COL9A1: variants seen among roughly 807,000 people sequenced by gnomAD.
COL9A1 encodes collagen alpha-1(IX) chain.
In COL9A1, 104 loss-of-function variants were observed where a neutral mutation model predicts 142.6. The observed-to-expected ratio is 0.73, with a 90% CI of 0.62 to 0.86. The LOEUF is 0.86. Among genes scored for constraint, COL9A1 ranks in the 40% least tolerant of loss-of-function variants. The pLI, the probability that COL9A1 is intolerant of heterozygous loss-of-function variation, is 0.00. For missense variants in COL9A1, 1,210 were observed against 1,176.6 expected (o/e 1.03, Z -0.42); for synonymous variants, 466 against 396.0 (o/e 1.18, Z -2.10).
At chr6:70,255,228 G>C in intron 22 of COL9A1, 25 bp from the exon 23 acceptor site, 4 of 1,613,826 alleles carry the variant, frequency 2.5e-6, no homozygotes, top group Non-Finnish European at 3.4e-6. Context: ...AGAAAGAATA[G>C]ACAAGACATG....
At chr6:70,223,103 G>T (rs1490543162) in intron 37 of COL9A1, among the ~76,000 whole-genome samples, 1 of 152,134 alleles carries the variant, frequency 6.6e-6, no homozygotes, top group African/African-American at 2.4e-5. Flanking sequence ...GGGAAGGTCT[G>T]GGCATCAGGG....
intron 5 of COL9A1, among the ~76,000 whole-genome samples, chr6:70,284,825 C>T (rs1773384383): frequency 6.6e-6 from 1 of 152,206 alleles, no homozygotes; most frequent in Non-Finnish European, 1.5e-5. Flanking sequence ...AGCATTACTT[C>T]TTTTCTTTCA....
Position 70,234,834 on chromosome 6 carries a change from T to C in COL9A1, c.2219A>G (p.Glu740Gly). 2 of 1,613,872 alleles carry C rather than the reference T, an allele frequency of 1.2e-6. No homozygotes were observed. Among genetic ancestry groups the C allele is most frequent in the Non-Finnish European group, 1.7e-6 (2 of 1,179,946 alleles). ...ACCAGGCAGGCCGGTGGCACCCTGT[T>C]CTCCCTGCACACCCCGGGGTCCAGG... Reference protein sequence around the residue: ...GPPGPRGVQGEQGATGLPGVQ... With the variant: ...GPPGPRGVQGGQGATGLPGVQ... The change falls in exon 34 of 38, where the codon GAA (glutamate) becomes GGA (glycine). Residue 740 changes from glutamate to glycine, a missense_variant. Physicochemically the swap from Glu to Gly is moderately conservative, Grantham distance 98 (BLOSUM62 -2). Coordinates refer to ENST00000357250, the MANE Select transcript of COL9A1 (RefSeq NM_001851.6).
Position 70,295,281 on chromosome 6 carries a change from C to CTTTTTTTTTTTTT in COL9A1, c.300-731_300-719dup, listed in dbSNP as rs1171549562. On this transcript the variant is annotated intron_variant, in intron 4 of 37. Transcript: ENST00000357250. Reference sequence around the variant, plus strand: ...CTCTACTGCAACTCTGTTGTTGCTTCTTTTTTTTTTTTTTTTTTTTTTTTT... The same window carrying CTTTTTTTTTTTTT: ...CTCTACTGCAACTCTGTTGTTGCTTCTTTTTTTTTTTTTTTTTTTTTTTTTTTTTTTTTTTTTT... Among the ~76,000 whole-genome samples, 27 of 63,168 alleles carry CTTTTTTTTTTTTT rather than the reference C, an allele frequency of 4.3e-4. 4 individuals carry two copies. Among genetic ancestry groups the CTTTTTTTTTTTTT allele is most frequent in the African/African-American group, 1.6e-3 (25 of 15,658 alleles). 41.4% of individuals were successfully genotyped at this position (63,168 alleles called of 152,430 possible). A position where few individuals can be genotyped will look rare whatever the true frequency, so the allele number is the denominator to read the frequency against.
chr6:70,235,057 G>T (rs77714085), intron 33 of COL9A1, 117 bp from the exon 34 acceptor site: 8 of 1,289,694 alleles, frequency 6.2e-6, no homozygotes, highest in Non-Finnish European at 7.7e-6. Flanking sequence ...ATCCTAACAG[G>T]TGTTCTTTCA....
intron 19 of COL9A1, 21 bp from the exon 20 acceptor site, chr6:70,260,731 A>C (rs375252017): frequency 6.2e-7 from 1 of 1,612,940 alleles, no homozygotes. Flanking sequence ...GAAAAAGAGA[A>C]GTGAATTATT....
chr6:70,250,070 G>T (rs1387082435), intron 28 of COL9A1, among the ~76,000 whole-genome samples: 1 of 152,138 alleles, frequency 6.6e-6, no homozygotes, highest in South Asian at 2.1e-4. Flanking sequence ...AAACCAGCCT[G>T]GGCAACATGG....
intron 37 of COL9A1, among the ~76,000 whole-genome samples, chr6:70,218,901 A>G (rs892029873): frequency 6.6e-6 from 1 of 152,238 alleles, no homozygotes; most frequent in African/African-American, 2.4e-5. Flanking sequence ...GAATTTATCC[A>G]TCTCAAAGCT....
At chr6:70,241,597 A>C in intron 30 of COL9A1, 143 bp from the exon 31 acceptor site, 9 of 733,388 alleles carry the variant, frequency 1.2e-5, no homozygotes, top group South Asian at 1.0e-4. Flanking sequence ...ACCCAACAAG[A>C]ATCAGGACCA....
At chr6:70,280,058 G>A (rs1322636073) in intron 10 of COL9A1, 1 of 688,376 alleles carries the variant, frequency 1.5e-6, no homozygotes, top group Admixed American at 2.1e-5. Flanking sequence ...ATGGAAAGAG[G>A]AGAAGCTGAG....
At chr6:70,234,714 A>G (rs1769786533) in intron 34 of COL9A1, 80 bp downstream of exon 34, 2 of 1,607,266 alleles carry the variant, frequency 1.2e-6, no homozygotes, top group Non-Finnish European at 1.7e-6. Context: ...GAACTTGTTG[A>G]GAAGCTGATG....
At position 70,255,158 on chromosome 6, in the gene COL9A1, C is replaced by T. The variant is rs544959952; in HGVS notation, c.1603G>A (p.Gly535Arg). 1.9e-6 allele frequency: 3 copies of T among 1,614,200 alleles called. No homozygotes were observed. In the South Asian group the frequency reaches 3.3e-5, roughly 18 times the overall value. Residue 535 changes from glycine (G) to arginine (R), a missense_variant, in exon 23 of 38, where the codon GGA becomes AGA. Gly to Arg is a moderately radical substitution (Grantham distance 125). Transcript: ENST00000357250. ...TACAGCTCAGGACATACCGTGTCTC[C>T]TTTGGGCCCAGGGAGACCAGGAATT... is the stretch of plus-strand genomic sequence containing the variant. ...RGIPGLPGPK[G>R]DTGLPGVDGR...
chr6:70,302,204 CTTTTTT>C (rs202054376), intron 1 of COL9A1, 130 bp from the exon 2 acceptor site: 115 of 359,626 alleles, frequency 3.2e-4, no homozygotes, highest in East Asian at 7.4e-4. Context: ...TTTTTCATTT[CTTTTTT>C]TTTTTTTTTT....
intron 28 of COL9A1, among the ~76,000 whole-genome samples, chr6:70,243,755 T>C (rs1249396040): frequency 1.3e-5 from 2 of 152,224 alleles, no homozygotes; most frequent in Non-Finnish European, 2.9e-5. Flanking sequence ...CTTGAATTCC[T>C]GACCTCAGGT....
chr6:70,240,854 C>CA lies in COL9A1; in HGVS notation c.2035-122dup. On this transcript the variant is annotated intron_variant, in intron 31 of 37. Coordinates refer to ENST00000357250, the MANE Select transcript of COL9A1 (RefSeq NM_001851.6). Reference sequence around the variant, plus strand: ...GTGTTCCCAGAATCATGCAGAAATACAAAATGCTCTCAGCGGCTTTCCAAT... The same window carrying CA: ...GTGTTCCCAGAATCATGCAGAAATACAAAAATGCTCTCAGCGGCTTTCCAAT... 3 of 822,844 alleles carry CA rather than the reference C, an allele frequency of 3.6e-6. No homozygotes were observed. In the Middle Eastern group the frequency reaches 6.8e-4, roughly 187 times the overall value. The allele number at this position is 822,844 out of a possible 1,614,324, so 51.0% of individuals were successfully genotyped here.
chr6:70,244,486 A>G (rs1475153799), intron 28 of COL9A1, among the ~76,000 whole-genome samples: 1 of 152,216 alleles, frequency 6.6e-6, no homozygotes, highest in Non-Finnish European at 1.5e-5. Flanking sequence ...TAATTTCTCA[A>G]GTGCATCATG....
intron 18 of COL9A1, among the ~76,000 whole-genome samples, chr6:70,265,801 C>T (rs1321872186): frequency 5.9e-5 from 9 of 151,978 alleles, no homozygotes; most frequent in Non-Finnish European, 1.0e-4. Flanking sequence ...GTCTATTTAT[C>T]CTGATTGCTT....
chr6:70,242,405 GAACA>G (rs1296254463), intron 29 of COL9A1, among the ~76,000 whole-genome samples: 3 of 152,042 alleles, frequency 2.0e-5, no homozygotes, highest in African/African-American at 7.2e-5. Flanking sequence ...GCCATTCCAA[GAACA>G]ACCAGAGGCC....
At chr6:70,259,839 T>TG (rs1261122373) in intron 20 of COL9A1, among the ~76,000 whole-genome samples, 1 of 152,126 alleles carries the variant, frequency 6.6e-6, no homozygotes, top group Non-Finnish European at 1.5e-5. Context: ...ATGGAAGTGC[T>TG]GGGGGAATCT....
Sources: allele counts gnomAD v4.1 joint callset (sites outside exome capture counted in the v4.1 genomes callset), GRCh38; gene constraint gnomAD v4.1.1; transcripts MANE v1.5; gene names NCBI Gene and HGNC (gene_info 2026-07-23, HGNC 2026-07-21).